Variants in PREX2 observed in about 807,000 individuals in gnomAD.
The protein encoded by PREX2 is phosphatidylinositol-3,4,5-trisphosphate dependent Rac exchange factor 2, also known as phosphatidylinositol 3,4,5-trisphosphate-dependent Rac exchanger 2 protein.
PREX2 carries 107 observed loss-of-function variants against 203.2 expected under a neutral mutation model. The ratio of observed to expected loss-of-function variants is 0.53; its 90% CI spans 0.45 to 0.62. The LOEUF (loss-of-function observed/expected upper bound fraction) is 0.62. Ranked by LOEUF, PREX2 falls within the 20% of genes least tolerant of loss-of-function variation. PREX2 has a pLI of 0.00. For synonymous variants in PREX2, 672 were observed against 663.6 expected (o/e 1.01, Z -0.19); for missense variants, 1,777 against 1,955.9 (o/e 0.91, Z 1.72).
chr8:68,116,210 A>C (rs1217686829), intron 26 of PREX2, among the ~76,000 whole-genome samples: 2 of 152,210 alleles, frequency 1.3e-5, no homozygotes, highest in Non-Finnish European at 2.9e-5. Context: ...TGTGTAACAC[A>C]GATAGCTGGT....
chr8:68,097,227 A>G, intron 22 of PREX2, 26 bp downstream of exon 22: 2 of 1,572,032 alleles, frequency 1.3e-6, no homozygotes, highest in Admixed American at 1.8e-5. Context: ...AAGAAATAAG[A>G]TTTTTTGTTC....
chr8:68,199,404 G>C (rs770348918), intron 37 of PREX2, among the ~76,000 whole-genome samples: 2 of 152,200 alleles, frequency 1.3e-5, no homozygotes, highest in Non-Finnish European at 2.9e-5. Flanking sequence ...ATTTAACAAT[G>C]CTGGGTATAT....
In PREX2 at chr8:68,189,116, A is replaced by C. The variant is rs568738094; in HGVS notation, c.4347-2606A>C. Among the ~76,000 whole-genome samples, 217 of 152,340 alleles carry C rather than the reference A, an allele frequency of 1.4e-3. 1 individual carries two copies. The highest frequency in any genetic ancestry group is 5.2e-3 in the African/African-American group (215 of 41,584). ...TTTATTTAAAAGGTGAAGCAAAAGAACAAAATGCTCAGACTTGTTAAAGCA... is the reference window on the plus strand; with the variant it reads ...TTTATTTAAAAGGTGAAGCAAAAGACCAAAATGCTCAGACTTGTTAAAGCA... On this transcript the variant is annotated intron_variant, in intron 35 of 39. Coordinates refer to ENST00000288368, the MANE Select transcript of PREX2 (RefSeq NM_024870.4).
chr8:68,201,106 AATTAT>A (rs1381596277), intron 37 of PREX2, among the ~76,000 whole-genome samples: 2 of 152,112 alleles, frequency 1.3e-5, no homozygotes, highest in Non-Finnish European at 1.5e-5. Context: ...AAGTCTACCA[AATTAT>A]ATTATAAATA....
intron 37 of PREX2, among the ~76,000 whole-genome samples, chr8:68,200,692 A>C (rs998725619): frequency 7.9e-5 from 12 of 152,086 alleles, no homozygotes; most frequent in African/African-American, 2.9e-4. Context: ...ATTTTCTTAA[A>C]ATTAGATGTA....
At chr8:68,221,459 G>A (rs1812951919) in intron 38 of PREX2, among the ~76,000 whole-genome samples, 1 of 151,798 alleles carries the variant, frequency 6.6e-6, no homozygotes, top group African/African-American at 2.4e-5. Flanking sequence ...TTGTTTCATA[G>A]TGTTGTTGTG....
chr8:68,020,997 G>A (rs1428991925), intron 3 of PREX2, among the ~76,000 whole-genome samples: 1 of 152,024 alleles, frequency 6.6e-6, no homozygotes, highest in East Asian at 1.9e-4. Context: ...ATTTCAATGG[G>A]CGCACTTTTG....
chr8:68,047,371 T>C (rs1437791994), intron 8 of PREX2, among the ~76,000 whole-genome samples: 1 of 150,528 alleles, frequency 6.6e-6, no homozygotes, highest in Admixed American at 6.7e-5. Context: ...ATAAGTTAAA[T>C]GAGGGATAAA....
chr8:68,179,235 CT>C (rs1467500056), intron 35 of PREX2, among the ~76,000 whole-genome samples: 1 of 152,048 alleles, frequency 6.6e-6, no homozygotes, highest in Non-Finnish European at 1.5e-5. Flanking sequence ...CAATTTTAGA[CT>C]TTTTTAGAAA....
intron 1 of PREX2, among the ~76,000 whole-genome samples, chr8:68,013,574 C>T (rs1024959216): frequency 6.6e-6 from 1 of 152,158 alleles, no homozygotes; most frequent in African/African-American, 2.4e-5. Flanking sequence ...AAACTTCTTT[C>T]ATTTATTAGG....
intron 1 of PREX2, among the ~76,000 whole-genome samples, chr8:67,954,445 G>T (rs561407403): frequency 3.9e-5 from 6 of 152,076 alleles, no homozygotes; most frequent in Non-Finnish European, 8.8e-5. Flanking sequence ...AGTTTTCTTG[G>T]TTACCTGAAG....
At chr8:68,217,315 G>T (rs547634358) in intron 37 of PREX2, among the ~76,000 whole-genome samples, 2 of 152,188 alleles carry the variant, frequency 1.3e-5, no homozygotes, top group African/African-American at 2.4e-5. Context: ...TATCATTAAA[G>T]AATAATATTT....
intron 1 of PREX2, among the ~76,000 whole-genome samples, chr8:68,008,323 G>A (rs781308780): frequency 9.9e-5 from 15 of 152,072 alleles, no homozygotes; most frequent in Non-Finnish European, 1.8e-4. Context: ...TACTTTATAC[G>A]AATTCCCTTT....
intron 30 of PREX2, among the ~76,000 whole-genome samples, chr8:68,126,861 A>T (rs1214255349): frequency 6.6e-6 from 1 of 151,618 alleles, no homozygotes; most frequent in Non-Finnish European, 1.5e-5. Context: ...ACACACACGT[A>T]TGTGTGTGTG....
intron 34 of PREX2, among the ~76,000 whole-genome samples, chr8:68,150,667 T>C (rs2129613781): frequency 6.6e-6 from 1 of 152,304 alleles, no homozygotes; most frequent in South Asian, 2.1e-4. Context: ...GCGATTGATC[T>C]TCTTGGCTGT....
chr8:68,207,808 T>C (rs1034919776), intron 37 of PREX2, among the ~76,000 whole-genome samples: 2 of 152,048 alleles, frequency 1.3e-5, no homozygotes, highest in Non-Finnish European at 2.9e-5. Context: ...GGAAATTCTC[T>C]CTCTTGCCCA....
chr8:68,230,623 T>C (rs1396554289), intron 39 of PREX2, among the ~76,000 whole-genome samples: 1 of 152,164 alleles, frequency 6.6e-6, no homozygotes, highest in African/African-American at 2.4e-5. Flanking sequence ...TGACTGTAGT[T>C]AAACCCCCTG....
At position 68,055,928 on chromosome 8, in the gene PREX2, G is replaced by A. The variant is rs1178179548; in HGVS notation, c.1192G>A (p.Asp398Asn). 1 of 1,613,442 alleles carries A rather than the reference G, an allele frequency of 6.2e-7. No individual in the cohort carries two copies. Among genetic ancestry groups the A allele is most frequent in the Non-Finnish European group, 8.5e-7 (1 of 1,179,618 alleles). ...GTGCAGACAAGGAAATCTGATCAAA[G>A]ACCGAAAGAGAAAACTGACTACGTT... ...MMCRQGNLIK[D>N]RKRKLTTFPK... The change falls in exon 10 of 40, where the codon GAC becomes AAC. Residue 398 changes from aspartate (D) to asparagine (N), a missense_variant. By Grantham distance (23) the Asp-to-Asn change is conservative. Coordinates refer to ENST00000288368, the MANE Select transcript of PREX2 (RefSeq NM_024870.4).
chr8:68,229,102 G>T, intron 39 of PREX2, among the ~76,000 whole-genome samples: 1 of 152,172 alleles, frequency 6.6e-6, no homozygotes, highest in South Asian at 2.1e-4. Flanking sequence ...TGAAAGAGGC[G>T]TTTACTTTGT....
Sources: gnomAD v4.1 joint callset for allele counts (sites outside exome capture counted in the v4.1 genomes callset) on GRCh38, gnomAD v4.1.1 for gene constraint, MANE v1.5 for transcripts, NCBI Gene and HGNC (gene_info 2026-07-23, HGNC 2026-07-21) for gene names.